LRMDA: variants seen among roughly 807,000 people sequenced by gnomAD.
LRMDA encodes the protein leucine-rich melanocyte differentiation-associated protein.
In LRMDA, 18 loss-of-function variants were observed where a neutral mutation model predicts 29.8. The observed-to-expected ratio is 0.60, with a 90% CI of 0.42 to 0.90. The LOEUF (loss-of-function observed/expected upper bound fraction) is 0.90, where lower values mean the gene tolerates loss of function less well. LRMDA is among the 40% of genes least tolerant of loss of function. The pLI is 0.00. For synonymous variants in LRMDA, 125 were observed against 109.4 expected, an observed-to-expected ratio of 1.14 and a Z score of -0.89; for missense variants, 273 against 273.9, an observed-to-expected ratio of 1.00 and a Z score of 0.02.
At position 75,891,146 on chromosome 10, in the gene LRMDA, A is replaced by G. The variant is rs559751593; in HGVS notation, c.132-144862A>G. Among the ~76,000 whole-genome samples the G allele has an allele frequency of 3.5e-4, 53 of 150,152 alleles. No individual in the cohort carries two copies. The South Asian group carries it at 0.011, about 31-fold the overall frequency. ...AAGAAAGAAAGAAAGTTTCCTGGCCATATTGTGTTGTGTAGCGTAGTGGCT... is the reference window on the plus strand; with the variant it reads ...AAGAAAGAAAGAAAGTTTCCTGGCCGTATTGTGTTGTGTAGCGTAGTGGCT... On this transcript the variant is annotated intron_variant, in intron 2 of 6. Coordinates refer to ENST00000611255, the MANE Select transcript of LRMDA (RefSeq NM_001305581.2).
At chr10:76,308,615 G>A (rs1170438303) in intron 5 of LRMDA, among the ~76,000 whole-genome samples, 1 of 152,120 alleles carries the variant, frequency 6.6e-6, no homozygotes, top group African/African-American at 2.4e-5. Context: ...CCATGGGGCT[G>A]CTGCTTTCTC....
chr10:75,752,695 A>G (rs1193640659), intron 2 of LRMDA, among the ~76,000 whole-genome samples: 2 of 152,206 alleles, frequency 1.3e-5, no homozygotes, highest in Non-Finnish European at 2.9e-5. Context: ...AGAAACAGCT[A>G]GGAGCAGAAC....
intron 2 of LRMDA, among the ~76,000 whole-genome samples, chr10:75,714,883 T>TTTCCTTCC (rs938513778): frequency 1.5e-4 from 17 of 114,614 alleles, no homozygotes; most frequent in Middle Eastern, 4.0e-3. Context: ...TCCTTCCTTC[T>TTTCCTTCC]TTCCTTCCTT....
intron 2 of LRMDA, among the ~76,000 whole-genome samples, chr10:75,823,147 G>A (rs759741533): frequency 6.6e-6 from 1 of 152,094 alleles, no homozygotes; most frequent in Admixed American, 6.5e-5. Context: ...CTTATGCACA[G>A]CAAAAGAAAC....
In LRMDA at chr10:75,590,726, C is replaced by CT. The variant is rs67966004; in HGVS notation, c.131+152274dup. Among the ~76,000 whole-genome samples the CT allele has an allele frequency of 2.8e-4, 20 of 71,384 alleles. 2 individuals are homozygous for CT. The highest frequency in any genetic ancestry group is 4.3e-4 in the Non-Finnish European group (17 of 39,848). 46.8% of individuals were successfully genotyped at this position (71,384 alleles called of 152,430 possible). On this transcript the variant is annotated intron_variant, in intron 2 of 6. Transcript: ENST00000611255. Reference sequence around the variant, plus strand: ...CTCCTAACTCTCACAATAAAATAGTCTTTTTTTTTTTTTTTTTTTTTTTTT... The same window carrying CT: ...CTCCTAACTCTCACAATAAAATAGTCTTTTTTTTTTTTTTTTTTTTTTTTTT...
At chr10:76,260,251 C>T (rs1313890818) in intron 5 of LRMDA, among the ~76,000 whole-genome samples, 2 of 152,008 alleles carry the variant, frequency 1.3e-5, no homozygotes, top group African/African-American at 4.8e-5. Flanking sequence ...CTTCTTTTCT[C>T]TTTCTTCCTT....
At chr10:75,968,545 A>AT (rs1325212736) in intron 2 of LRMDA, among the ~76,000 whole-genome samples, 1 of 152,180 alleles carries the variant, frequency 6.6e-6, no homozygotes, top group Non-Finnish European at 1.5e-5. Context: ...CCTCTGTAGC[A>AT]TTAGGGGCTT....
At chr10:76,420,290 G>T (rs531467510) in intron 6 of LRMDA, among the ~76,000 whole-genome samples, 63 of 151,780 alleles carry the variant, frequency 4.2e-4, no homozygotes, top group African/African-American at 1.5e-3. Context: ...ATTTTTAAAA[G>T]ATTTTTAAAA....
intron 5 of LRMDA, among the ~76,000 whole-genome samples, chr10:76,061,900 T>C (rs901995569): frequency 1.7e-4 from 26 of 152,198 alleles, no homozygotes; most frequent in African/African-American, 6.0e-4. Flanking sequence ...GTACTTTTCT[T>C]GTAGAAAGAA....
At chr10:76,049,023 G>T (rs1272849793) in intron 4 of LRMDA, among the ~76,000 whole-genome samples, 1 of 152,080 alleles carries the variant, frequency 6.6e-6, no homozygotes, top group African/African-American at 2.4e-5. Context: ...GATGCCCACT[G>T]CCCATTTGGA....
At chr10:76,418,202 T>G (rs1261634523) in intron 6 of LRMDA, among the ~76,000 whole-genome samples, 2 of 152,108 alleles carry the variant, frequency 1.3e-5, no homozygotes, top group African/African-American at 4.8e-5. Flanking sequence ...TATTTTGAAT[T>G]TATAGGCCAA....
At chr10:75,682,782 C>T (rs1432798616) in intron 2 of LRMDA, among the ~76,000 whole-genome samples, 4 of 152,106 alleles carry the variant, frequency 2.6e-5, no homozygotes, top group African/African-American at 7.2e-5. Flanking sequence ...TTTCCTTTTA[C>T]CTTGAGCCTG....
At chr10:75,669,820 A>C (rs74147167) in intron 2 of LRMDA, among the ~76,000 whole-genome samples, 2 of 152,338 alleles carry the variant, frequency 1.3e-5, no homozygotes, top group African/African-American at 4.8e-5. Flanking sequence ...AAATAGGAGA[A>C]AAAGAAAATG....
At chr10:76,213,142 C>G (rs1851666467) in intron 5 of LRMDA, among the ~76,000 whole-genome samples, 1 of 152,202 alleles carries the variant, frequency 6.6e-6, no homozygotes, top group Non-Finnish European at 1.5e-5. Flanking sequence ...TACAGCCACA[C>G]CTTTTAAAAA....
intron 5 of LRMDA, among the ~76,000 whole-genome samples, chr10:76,256,251 T>C (rs983888581): frequency 6.6e-5 from 10 of 152,244 alleles, no homozygotes; most frequent in African/African-American, 1.9e-4. Context: ...TTAGTTCTAC[T>C]GGTCACTGTG....
At chr10:75,949,846 A>G (rs1020852760) in intron 2 of LRMDA, among the ~76,000 whole-genome samples, 5 of 152,294 alleles carry the variant, frequency 3.3e-5, no homozygotes, top group Non-Finnish European at 1.5e-5. Context: ...CTTCTGCCCC[A>G]AGGAAAATTT....
At chr10:76,130,948 C>T (rs927394111) in intron 5 of LRMDA, among the ~76,000 whole-genome samples, 1 of 152,172 alleles carries the variant, frequency 6.6e-6, no homozygotes, top group African/African-American at 2.4e-5. Flanking sequence ...CAGGTGTGAG[C>T]CACCATGCCT....
At chr10:76,185,593 A>G (rs1264865061) in intron 5 of LRMDA, among the ~76,000 whole-genome samples, 1 of 152,182 alleles carries the variant, frequency 6.6e-6, no homozygotes, top group African/African-American at 2.4e-5. Flanking sequence ...TATCAGCCAT[A>G]GTGAATCCCT....
intron 6 of LRMDA, among the ~76,000 whole-genome samples, chr10:76,489,936 A>C (rs1262313475): frequency 6.6e-6 from 1 of 151,910 alleles, no homozygotes; most frequent in Non-Finnish European, 1.5e-5. Flanking sequence ...AGGCCTCCTC[A>C]GCCATGCAGA....
Sources: allele counts gnomAD v4.1 joint callset (sites outside exome capture counted in the v4.1 genomes callset), GRCh38; gene constraint gnomAD v4.1.1; transcripts MANE v1.5; gene names NCBI Gene and HGNC (gene_info 2026-07-23, HGNC 2026-07-21).